ERGIC1: variants seen among roughly 807,000 people sequenced by gnomAD.
ERGIC1 encodes the protein endoplasmic reticulum-golgi intermediate compartment 1.
ERGIC1 carries 19 observed loss-of-function variants against 38.3 expected under a neutral mutation model. That is an observed-to-expected ratio of 0.50 (90% confidence interval 0.35 to 0.73). ERGIC1 has a LOEUF of 0.73. Among genes scored for constraint, ERGIC1 ranks in the 30% least tolerant of loss-of-function variants. ERGIC1 has a pLI of 0.01. For missense variants in ERGIC1, 294 were observed against 389.2 expected, an observed-to-expected ratio of 0.76 and a Z score of 2.06; for synonymous variants, 124 against 157.6, an observed-to-expected ratio of 0.79 and a Z score of 1.60.
intron 9 of ERGIC1, chr5:172,937,785 C>T (rs947213570): frequency 6.6e-6 from 1 of 152,172 alleles, no homozygotes; most frequent in Non-Finnish European, 1.5e-5. Flanking sequence ...GGGCAGATCA[C>T]CTGAGGTCAG....
intron 1 of ERGIC1, among the ~76,000 whole-genome samples, chr5:172,843,666 C>CTT (rs1245954557): frequency 6.6e-6 from 1 of 152,202 alleles, no homozygotes; most frequent in Non-Finnish European, 1.5e-5. Context: ...TCTGAATGGT[C>CTT]TTCGCCCTTG....
At chr5:172,839,708 A>G (rs1247499867) in intron 1 of ERGIC1, among the ~76,000 whole-genome samples, 1 of 152,224 alleles carries the variant, frequency 6.6e-6, no homozygotes, top group East Asian at 1.9e-4. Context: ...TTTATTGAAC[A>G]TTTGCTAGTG....
At chr5:172,881,817 T>C (rs1409767117) in intron 1 of ERGIC1, among the ~76,000 whole-genome samples, 4 of 152,238 alleles carry the variant, frequency 2.6e-5, no homozygotes, top group African/African-American at 9.6e-5. Context: ...GACAATTAGA[T>C]GTGAACATGC....
intron 4 of ERGIC1, among the ~76,000 whole-genome samples, chr5:172,912,743 T>G (rs1010609143): frequency 6.6e-6 from 1 of 151,470 alleles, no homozygotes; most frequent in African/African-American, 2.4e-5. Context: ...ACGTAGTAAG[T>G]GCTATTTTAC....
At chr5:172,939,944 G>C (rs1270942015) in intron 9 of ERGIC1, among the ~76,000 whole-genome samples, 1 of 152,254 alleles carries the variant, frequency 6.6e-6, no homozygotes, top group Non-Finnish European at 1.5e-5. Flanking sequence ...GGAGGCACCT[G>C]CTGTGGCTTC....
intron 1 of ERGIC1, among the ~76,000 whole-genome samples, chr5:172,858,866 C>G (rs920707307): frequency 6.6e-6 from 1 of 152,226 alleles, no homozygotes; most frequent in Non-Finnish European, 1.5e-5. Context: ...TGCTTCCCTG[C>G]CCTGTGGGTA....
At chr5:172,915,340 TCC>T in intron 5 of ERGIC1, 2 of 475,588 alleles carry the variant, frequency 4.2e-6, no homozygotes, top group South Asian at 4.2e-5. Context: ...GGGGCAGCGT[TCC>T]TGGGCTGGTG....
At chr5:172,942,248 A>G (rs142275542) in intron 9 of ERGIC1, among the ~76,000 whole-genome samples, 2 of 152,314 alleles carry the variant, frequency 1.3e-5, no homozygotes, top group African/African-American at 4.8e-5. Flanking sequence ...ACAAACTTCA[A>G]ACTGAGAAGG....
rs749645712 is a variant in ERGIC1 at position 172,935,247 on chromosome 5, C to G, written c.702C>G (p.Asp234Glu). Residue 234 changes from aspartate to glutamate, a missense_variant, in exon 9 of 10, where the codon GAC becomes GAG. Physicochemically the swap from Asp to Glu is conservative, Grantham distance 45 (BLOSUM62 2). This residue lies in a region of ERGIC1 where 109 missense variants were observed against 112.7 expected (regional missense o/e 0.97). Transcript: ENST00000393784. ...RIIPAIWFRY[D>E]LSPITVKYTE... ...TCCCTGCAATCTGGTTCCGCTACGA[C>G]CTCAGCCCCATCACGGTCAAGTACA... The G allele has an allele frequency of 5.1e-5, 82 of 1,614,220 alleles. No homozygotes were observed. The highest frequency in any genetic ancestry group is 1.6e-4 in the Middle Eastern group (1 of 6,062).
chr5:172,864,459 G>C (rs1383617030), intron 1 of ERGIC1, among the ~76,000 whole-genome samples: 3 of 151,676 alleles, frequency 2.0e-5, no homozygotes, highest in Non-Finnish European at 4.4e-5. Flanking sequence ...AGTAGAGACG[G>C]GGTTTCACCC....
chr5:172,928,521 G>T (rs1218222760), intron 7 of ERGIC1, among the ~76,000 whole-genome samples: 1 of 152,214 alleles, frequency 6.6e-6, no homozygotes, highest in African/African-American at 2.4e-5. Flanking sequence ...GGACAAACCT[G>T]TTTTTTCTTC....
At chr5:172,899,741 C>G (rs552596808) in intron 3 of ERGIC1, among the ~76,000 whole-genome samples, 107 of 152,256 alleles carry the variant, frequency 7.0e-4, no homozygotes, top group Non-Finnish European at 1.1e-3. Context: ...AACAAGCAAA[C>G]AAAACTAGAC....
At chr5:172,885,080 G>A (rs768981637) in intron 1 of ERGIC1, among the ~76,000 whole-genome samples, 1 of 152,062 alleles carries the variant, frequency 6.6e-6, no homozygotes, top group African/African-American at 2.4e-5. Context: ...AGCAGCCTCT[G>A]ACTTCCAGTT....
chr5:172,913,724 C>T (rs958337572), intron 4 of ERGIC1, among the ~76,000 whole-genome samples: 7 of 152,234 alleles, frequency 4.6e-5, no homozygotes, highest in Non-Finnish European at 1.0e-4. Context: ...TCTGGGGATG[C>T]AGTTGGCATT....
At chr5:172,875,663 C>T (rs1380405682) in intron 1 of ERGIC1, among the ~76,000 whole-genome samples, 1 of 152,100 alleles carries the variant, frequency 6.6e-6, no homozygotes, top group Non-Finnish European at 1.5e-5. Flanking sequence ...GGTGCAGTCA[C>T]GGCTCACTAA....
intron 1 of ERGIC1, among the ~76,000 whole-genome samples, chr5:172,861,997 T>C (rs1761714343): frequency 6.6e-6 from 1 of 151,860 alleles, no homozygotes; most frequent in Admixed American, 6.6e-5. Context: ...TTAATTTTAT[T>C]ATTATTATTT....
chr5:172,847,214 G>A (rs1474786902), intron 1 of ERGIC1, among the ~76,000 whole-genome samples: 2 of 152,112 alleles, frequency 1.3e-5, no homozygotes, highest in Non-Finnish European at 2.9e-5. Flanking sequence ...GCAGTGGTGG[G>A]GAGAGAAAGG....
intron 5 of ERGIC1, among the ~76,000 whole-genome samples, chr5:172,919,302 A>C (rs1287532034): frequency 6.6e-6 from 1 of 151,966 alleles, no homozygotes; most frequent in Non-Finnish European, 1.5e-5. Context: ...GTACACGCAC[A>C]CCTCCTCACT....
intron 9 of ERGIC1, 138 bp downstream of exon 9, chr5:172,935,448 A>C (rs1249674307): frequency 2.6e-6 from 3 of 1,175,666 alleles, no homozygotes; most frequent in Non-Finnish European, 3.6e-6. Context: ...GGCTGGGCAC[A>C]GGAGGCTTCG....
Sources: allele counts gnomAD v4.1 joint callset (sites outside exome capture counted in the v4.1 genomes callset), GRCh38; gene constraint gnomAD v4.1.1; regional missense constraint gnomAD v4.1.1; transcripts MANE v1.5; gene names NCBI Gene and HGNC (gene_info 2026-07-23, HGNC 2026-07-21).